Variants in AMMECR1 observed in about 807,000 individuals in gnomAD.
AMMECR1 encodes the protein nuclear protein AMMECR1.
A neutral mutation model predicts 22.5 loss-of-function variants in AMMECR1; 3 were observed. The ratio of observed to expected loss-of-function variants is 0.13; its 90% CI spans 0.06 to 0.35. The LOEUF is 0.35. AMMECR1 is among the 10% of genes least tolerant of loss of function. The probability of loss-of-function intolerance (pLI) is 1.00; values close to 1 mark genes in which losing one functional copy is unlikely to be tolerated. For missense variants in AMMECR1, 235 were observed against 278.7 expected (o/e 0.84, Z 1.12); for synonymous variants, 130 against 116.7 (o/e 1.11, Z -0.74).
At chrX:110,423,151 A>G (rs1175128064) in intron 2 of AMMECR1, among the ~76,000 whole-genome samples, 1 of 111,202 alleles carries the variant, frequency 9.0e-6, no homozygotes, top group Non-Finnish European at 1.9e-5. Context: ...AACATGGCGA[A>G]ACCCTGTCCC....
chrX:110,428,849 G>A (rs747711077), intron 1 of AMMECR1, among the ~76,000 whole-genome samples: 138 of 112,201 alleles, frequency 1.2e-3, no homozygotes, highest in Non-Finnish European at 2.0e-3. Context: ...ATATAATCAA[G>A]GATTTCAAGA....
intron 2 of AMMECR1, among the ~76,000 whole-genome samples, chrX:110,417,325 T>C (rs1006012391): frequency 9.0e-6 from 1 of 111,596 alleles, no homozygotes; most frequent in Admixed American, 9.5e-5. Context: ...CTGGTTTGGG[T>C]TTTCAATTCA....
intron 2 of AMMECR1, among the ~76,000 whole-genome samples, chrX:110,379,835 A>G (rs749661992): frequency 1.7e-4 from 19 of 112,309 alleles, no homozygotes; most frequent in Non-Finnish European, 3.4e-4. Context: ...AATCCCCTAA[A>G]TATATCAATT....
chrX:110,229,853 C>A (rs2067553720), intron 2 of AMMECR1, among the ~76,000 whole-genome samples: 1 of 112,878 alleles, frequency 8.9e-6, no homozygotes, highest in African/African-American at 3.2e-5. Context: ...AGGTGATTCT[C>A]TCCCGTGCCT....
At chrX:110,385,841 C>T (rs950815440) in intron 2 of AMMECR1, among the ~76,000 whole-genome samples, 1 of 111,204 alleles carries the variant, frequency 9.0e-6, no homozygotes, top group African/African-American at 3.3e-5. Context: ...CTAGTAGTCT[C>T]CAGTGTCTAT....
chrX:110,433,896 G>A (rs2068817060), intron 1 of AMMECR1, among the ~76,000 whole-genome samples: 1 of 112,107 alleles, frequency 8.9e-6, no homozygotes, highest in Admixed American at 9.4e-5. Flanking sequence ...TGTGGGTACT[G>A]AGAATATAAA....
At chrX:110,356,586 C>T (rs1041038952) in intron 2 of AMMECR1, among the ~76,000 whole-genome samples, 2 of 110,771 alleles carry the variant, frequency 1.8e-5, no homozygotes, top group East Asian at 2.8e-4. Flanking sequence ...GATAAATTAG[C>T]GAGGTGATAG....
intron 1 of AMMECR1, among the ~76,000 whole-genome samples, chrX:110,428,441 G>A (rs1249261309): frequency 8.9e-6 from 1 of 111,925 alleles, no homozygotes; most frequent in Admixed American, 9.4e-5. Context: ...TAGGTGCTCA[G>A]TAGCCATAAC....
chrX:110,211,260 A>C (rs1472130638), intron 3 of AMMECR1, among the ~76,000 whole-genome samples: 2 of 112,521 alleles, frequency 1.8e-5, no homozygotes, highest in East Asian at 5.5e-4. Context: ...AAATTGCTAC[A>C]TTAGCTTCCA....
At chrX:110,234,178 C>A (rs2067586384) in intron 2 of AMMECR1, among the ~76,000 whole-genome samples, 1 of 111,378 alleles carries the variant, frequency 9.0e-6, no homozygotes, top group Admixed American at 9.5e-5. Context: ...TTCCTATATA[C>A]CAATAACAGA....
intron 2 of AMMECR1, among the ~76,000 whole-genome samples, chrX:110,233,577 C>A (rs2067582251): frequency 8.9e-6 from 1 of 111,985 alleles, no homozygotes; most frequent in Non-Finnish European, 1.9e-5. Flanking sequence ...ATGCAAAAAT[C>A]CTCAATAAAA....
At chrX:110,240,735 A>T (rs773757672) in intron 2 of AMMECR1, among the ~76,000 whole-genome samples, 1 of 112,182 alleles carries the variant, frequency 8.9e-6, no homozygotes, top group Non-Finnish European at 1.9e-5. Context: ...CCTAATAGAC[A>T]TCTACAGAAC....
chrX:110,318,241 C>T (rs2068063409), upstream of AMMECR1: 1 of 201,568 alleles, frequency 5.0e-6, no homozygotes. Flanking sequence ...CCCGCGCGCG[C>T]CCCCGCCTCG....
chrX:110,279,255 C>G lies in AMMECR1; in HGVS notation c.474-14656G>C, dbSNP rs141672571. Among the ~76,000 whole-genome samples, 166 of 112,106 alleles carry G rather than the reference C, an allele frequency of 1.5e-3. 5 individuals carry two copies. The East Asian group carries it at 0.036, about 24-fold the overall frequency. On this transcript the variant is annotated intron_variant, in intron 1 of 5. Transcript: ENST00000262844. ...AGATTCTTTCTTTATTCTGCCAATG[C>G]AAACATACCACAGAAACACCTGTTT...
chrX:110,216,788 G>T (rs1191969350), intron 2 of AMMECR1, among the ~76,000 whole-genome samples, 156 bp from the exon 3 acceptor site: 1 of 111,962 alleles, frequency 8.9e-6, no homozygotes, highest in Non-Finnish European at 1.9e-5. Context: ...ATTCCCCAAA[G>T]ATTTTAGAAG....
chrX:110,322,487 T>C (rs1052806723), upstream of AMMECR1, among the ~76,000 whole-genome samples: 20 of 112,080 alleles, frequency 1.8e-4, no homozygotes, highest in African/African-American at 6.5e-4. Flanking sequence ...TGAAACCCAA[T>C]TGGCCTCACC....
At chrX:110,315,867 C>T (rs773638747) in intron 1 of AMMECR1, among the ~76,000 whole-genome samples, 115 of 112,066 alleles carry the variant, frequency 1.0e-3, no homozygotes, top group Middle Eastern at 9.2e-3. Flanking sequence ...CAAGAGAAGG[C>T]ATAAAAGTCA....
intron 2 of AMMECR1, among the ~76,000 whole-genome samples, chrX:110,341,890 T>C (rs2068165806): frequency 9.0e-6 from 1 of 110,923 alleles, no homozygotes; most frequent in Admixed American, 9.6e-5. Context: ...TGGTGAAACC[T>C]TGTCTCTACA....
chrX:110,201,686 G>A (rs1284992414), intron 4 of AMMECR1, among the ~76,000 whole-genome samples: 1 of 111,234 alleles, frequency 9.0e-6, no homozygotes, highest in Non-Finnish European at 1.9e-5. Flanking sequence ...TTCTGATCTG[G>A]GGATTTAATG....
Sources: allele counts gnomAD v4.1 joint callset (sites outside exome capture counted in the v4.1 genomes callset), GRCh38; gene constraint gnomAD v4.1.1; transcripts MANE v1.5; gene names NCBI Gene and HGNC (gene_info 2026-07-23, HGNC 2026-07-21).